Variants in FAT2 observed in about 807,000 individuals in gnomAD.
FAT2 encodes the protein protocadherin Fat 2.
A neutral mutation model predicts 295.3 loss-of-function variants in FAT2; 150 were observed. The ratio of observed to expected loss-of-function variants is 0.51; its 90% CI spans 0.44 to 0.58. The LOEUF is 0.58. FAT2 is among the 20% of genes least tolerant of loss of function. The pLI is 0.00. For synonymous variants in FAT2, 2,026 were observed against 2,150.3 expected, an observed-to-expected ratio of 0.94 and a Z score of 1.60; for missense variants, 4,868 against 5,442.7, an observed-to-expected ratio of 0.89 and a Z score of 3.32.
At chr5:151,569,380 C>A (rs1191324252) in intron 1 of FAT2, among the ~76,000 whole-genome samples, 1 of 152,176 alleles carries the variant, frequency 6.6e-6, no homozygotes, top group Non-Finnish European at 1.5e-5. Flanking sequence ...ACCATCAGAT[C>A]TCATGAGACT....
At chr5:151,550,523 C>T (rs1366483074) in intron 8 of FAT2, 67 bp downstream of exon 8, 1 of 1,545,864 alleles carries the variant, frequency 6.5e-7, no homozygotes, top group East Asian at 2.2e-5. Flanking sequence ...CAGCATGTCT[C>T]CAAGCATGTC....
intron 1 of FAT2, among the ~76,000 whole-genome samples, chr5:151,572,150 T>C (rs1371885070): frequency 6.6e-6 from 1 of 152,158 alleles, no homozygotes; most frequent in African/African-American, 2.4e-5. Flanking sequence ...CTACCCAATA[T>C]TTTCTTGTTT....
chr5:151,567,617 G>T lies in FAT2; in HGVS notation c.1315C>A (p.Gln439Lys). 5 of 1,614,150 alleles carry T rather than the reference G, an allele frequency of 3.1e-6. No homozygotes were observed. The highest frequency in any genetic ancestry group is 4.2e-6 in the Non-Finnish European group (5 of 1,180,020). The change falls in exon 2 of 24, where the codon CAG (glutamine) becomes AAG (lysine). Residue 439 changes from glutamine to lysine, a missense_variant. By Grantham distance (53) the Gln-to-Lys change is moderately conservative. This residue lies in a region of FAT2 where 3,297 missense variants were observed against 3,669.4 expected (regional missense o/e 0.90). Coordinates refer to ENST00000261800, the MANE Select transcript of FAT2 (RefSeq NM_001447.3). ...TCAATGACCACCACGGTGGAGGCCT[G>T]GCCCGGTGAGGTTCTGATGTGTAGC... ...YQLHIRTSPG[Q>K]ASTVVVIDIV...
chr5:151,520,422 TCA>T (rs2127578382), intron 19 of FAT2, among the ~76,000 whole-genome samples: 1 of 152,320 alleles, frequency 6.6e-6, no homozygotes, highest in South Asian at 2.1e-4. Context: ...ATCTCATATC[TCA>T]GTTCCAACTG....
chr5:151,562,279 T>A (rs574054083), intron 3 of FAT2, among the ~76,000 whole-genome samples: 4 of 152,184 alleles, frequency 2.6e-5, no homozygotes, highest in Non-Finnish European at 5.9e-5. Context: ...TCTCACCAGG[T>A]TCCATCCTTC....
Position 151,565,990 on chromosome 5 carries a change from AGC to A in FAT2, c.2940_2941del (p.Leu981HisfsTer9). 1 of 1,614,068 alleles carries A rather than the reference AGC, an allele frequency of 6.2e-7. No individual in the cohort carries two copies. The highest frequency in any genetic ancestry group is 2.2e-5 in the East Asian group (1 of 44,886). On this transcript the variant is annotated frameshift_variant, in exon 2 of 24. Coordinates refer to ENST00000261800, the MANE Select transcript of FAT2 (RefSeq NM_001447.3). LOFTEE classifies it high-confidence loss of function. Reference sequence around the variant, plus strand: ...AAAGTCCAGCTCTCTCTCCAGAATGAGCGCCCCTGTCATCAGGTCCACCCGGA... The same window carrying A: ...AAAGTCCAGCTCTCTCTCCAGAATGAGCCCCTGTCATCAGGTCCACCCGGA...
At chr5:151,576,708 G>T (rs934616390) in intron 1 of FAT2, among the ~76,000 whole-genome samples, 18 of 152,222 alleles carry the variant, frequency 1.2e-4, no homozygotes, top group African/African-American at 4.3e-4. Flanking sequence ...GTAAGTGAAA[G>T]AATGGTGACA....
rs1428389872 is a variant in FAT2, at chr5:151,544,562, G to A, written c.6565C>T (p.Pro2189Ser). The A allele has an allele frequency of 6.2e-7, 1 of 1,613,942 alleles. No homozygotes were observed. The highest frequency in any genetic ancestry group is 2.2e-5 in the East Asian group (1 of 44,892). Residue 2189 changes from proline to serine, a missense_variant, in exon 10 of 24, where the codon CCA (proline) becomes TCA (serine). Physicochemically the swap from Pro to Ser is moderately conservative, Grantham distance 74 (BLOSUM62 -1). This residue lies in a region of FAT2 where 3,297 missense variants were observed against 3,669.4 expected (regional missense o/e 0.90). Transcript: ENST00000261800. Reference sequence around the variant, plus strand: ...CTCCGGGCCTGGGTGTGGAGAATTGGGGTATAGAGGGTGATATTTTCAGGT... The same window carrying A: ...CTCCGGGCCTGGGTGTGGAGAATTGAGGTATAGAGGGTGATATTTTCAGGT... The part of the protein sequence containing the change: ...RVPENITLYT[P>S]ILHTQARSPE...
chr5:151,524,539 C>T (rs1016510408), intron 18 of FAT2, among the ~76,000 whole-genome samples: 1 of 152,218 alleles, frequency 6.6e-6, no homozygotes, highest in African/African-American at 2.4e-5. Context: ...GCCTCCAGAA[C>T]TGTGGGAAAT....
rs1408522517 is a variant in FAT2 at position 151,563,549 on chromosome 5, A to G, written c.3350T>C (p.Leu1117Pro). 1 of 1,614,142 alleles carries G rather than the reference A, an allele frequency of 6.2e-7. No individual in the cohort carries two copies. Among genetic ancestry groups the G allele is most frequent in the Non-Finnish European group, 8.5e-7 (1 of 1,180,018 alleles). ...GATGTAGACTTCAGTTACAGAAGAG[A>G]GGGGCACAGAACCCCTGTCCACTGC... is the stretch of plus-strand genomic sequence containing the variant. ...VLAVDRGSVP[L>P]SSVTEVYIEV... The change falls in exon 3 of 24, where the codon CTC becomes CCC. Residue 1117 changes from leucine to proline, a missense_variant. This residue lies in a region of FAT2 where 3,297 missense variants were observed against 3,669.4 expected (regional missense o/e 0.90). Transcript: ENST00000261800.
rs750934872 is a variant in FAT2 at position 151,507,205 on chromosome 5, G to A, written c.12466C>T (p.His4156Tyr). 1.9e-5 allele frequency: 30 copies of A among 1,610,958 alleles called. No individual in the cohort carries two copies. Among genetic ancestry groups the A allele is most frequent in the Non-Finnish European group, 2.5e-5 (29 of 1,178,168 alleles). The change falls in exon 23 of 24, where the codon CAC (histidine) becomes TAC (tyrosine). Residue 4156 changes from histidine (H) to tyrosine (Y), a missense_variant. Coordinates refer to ENST00000261800, the MANE Select transcript of FAT2 (RefSeq NM_001447.3). The stretch of plus-strand genomic sequence containing the variant: ...TTAATGACAGGCTCATTGTCAGAGT[G>A]GGAAGGGACCGCAGCTGGCGGGAGT... ...PRLPPAAVPSHSDNEPVIKRT... is the reference protein window; with the variant it reads ...PRLPPAAVPSYSDNEPVIKRT...
At chr5:151,589,893 AAAATAAAT>A (rs940006159) in intron 1 of FAT2, among the ~76,000 whole-genome samples, 1 of 152,194 alleles carries the variant, frequency 6.6e-6, no homozygotes, top group African/African-American at 2.4e-5. Flanking sequence ...ACCCTGTCTC[AAAATAAAT>A]AAATATTTAA....
chr5:151,529,116 G>T, intron 15 of FAT2, 62 bp downstream of exon 15: 1 of 1,397,930 alleles, frequency 7.2e-7, no homozygotes. Flanking sequence ...TGGGTGTGGG[G>T]GTGAGATAAG....
chr5:151,578,988 G>A (rs966174364), intron 1 of FAT2, among the ~76,000 whole-genome samples: 1 of 152,204 alleles, frequency 6.6e-6, no homozygotes, highest in Admixed American at 6.5e-5. Flanking sequence ...GCTGGGGTGA[G>A]GGTGGGGATT....
chr5:151,584,955 G>C (rs1759114125), intron 1 of FAT2, among the ~76,000 whole-genome samples: 1 of 152,028 alleles, frequency 6.6e-6, no homozygotes, highest in African/African-American at 2.4e-5. Context: ...CTTAGGATGG[G>C]GCTAAGTAAT....
Position 151,528,124 on chromosome 5 carries a change from T to C in FAT2, c.10036A>G (p.Thr3346Ala). Residue 3346 changes from threonine to alanine, a missense_variant, in exon 16 of 24, where the codon ACT (threonine) becomes GCT (alanine). Physicochemically the swap from Thr to Ala is moderately conservative, Grantham distance 58 (BLOSUM62 0). Coordinates refer to ENST00000261800, the MANE Select transcript of FAT2 (RefSeq NM_001447.3). ...CTATTTAGGGGTCCATCTTCATCAG[T>C]CGCTGATACCTGCGGTGGGGTAGGG... ...VGDVILTVSA[T>A]DEDGPLNSDI... is the part of the protein sequence containing the mutation. 1 of 1,613,968 alleles carries C rather than the reference T, an allele frequency of 6.2e-7. No individual in the cohort carries two copies. Among genetic ancestry groups the C allele is most frequent in the Non-Finnish European group, 8.5e-7 (1 of 1,179,908 alleles).
chr5:151,592,496 T>C (rs964951016), upstream of FAT2, among the ~76,000 whole-genome samples: 10 of 152,202 alleles, frequency 6.6e-5, no homozygotes, highest in East Asian at 1.9e-4. Flanking sequence ...TTTGCTTGCA[T>C]ACCTCTAATT....
intron 6 of FAT2, 34 bp downstream of exon 6, chr5:151,553,143 G>A (rs1212790076): frequency 6.3e-7 from 1 of 1,595,918 alleles, no homozygotes; most frequent in Non-Finnish European, 8.6e-7. Flanking sequence ...GATGGGAGGG[G>A]TTGGCCCTTG....
chr5:151,506,488 G>A (rs1481532366), intron 23 of FAT2, among the ~76,000 whole-genome samples: 1 of 152,190 alleles, frequency 6.6e-6, no homozygotes, highest in Non-Finnish European at 1.5e-5. Context: ...CAGGTGTGAT[G>A]GAGTCTATCA....
Sources: gnomAD v4.1 joint callset for allele counts (sites outside exome capture counted in the v4.1 genomes callset) on GRCh38, gnomAD v4.1.1 for gene constraint, gnomAD v4.1.1 regional missense constraint, MANE v1.5 for transcripts, NCBI Gene and HGNC (gene_info 2026-07-23, HGNC 2026-07-21) for gene names.